PHACTR3: variants seen among roughly 807,000 people sequenced by gnomAD.
PHACTR3 encodes protein phosphatase 1, regulatory subunit 123.
PHACTR3 carries 16 observed loss-of-function variants against 66.8 expected under a neutral mutation model. The ratio of observed to expected loss-of-function variants is 0.24; its 90% confidence interval spans 0.16 to 0.36. The LOEUF (loss-of-function observed/expected upper bound fraction) is 0.36. Among genes scored for constraint, PHACTR3 ranks in the 10% least tolerant of loss-of-function variants. The pLI, the probability that PHACTR3 is intolerant of heterozygous loss-of-function variation, is 1.00. For synonymous variants in PHACTR3, 323 were observed against 292.1 expected (o/e 1.11, Z -1.08); for missense variants, 647 against 719.9 (o/e 0.90, Z 1.16).
At chr20:59,780,698 G>A (rs1273744927) in intron 7 of PHACTR3, among the ~76,000 whole-genome samples, 1 of 152,178 alleles carries the variant, frequency 6.6e-6, no homozygotes, top group Non-Finnish European at 1.5e-5. Flanking sequence ...CAGCTGGGTG[G>A]GCCTCCGTCT....
intron 8 of PHACTR3, among the ~76,000 whole-genome samples, chr20:59,816,581 GC>G (rs2041893283): frequency 6.6e-6 from 1 of 152,194 alleles, no homozygotes; most frequent in African/African-American, 2.4e-5. Flanking sequence ...CTCATCCATG[GC>G]CATCCTCTGG....
At chr20:59,759,862 G>A (rs191814943) in intron 4 of PHACTR3, among the ~76,000 whole-genome samples, 76 of 152,292 alleles carry the variant, frequency 5.0e-4, no homozygotes, top group Non-Finnish European at 7.2e-4. Flanking sequence ...AATGTGTCAC[G>A]TGAGTGCTGG....
chr20:59,841,147 T>C (rs543956389), intron 10 of PHACTR3, among the ~76,000 whole-genome samples: 1 of 152,282 alleles, frequency 6.6e-6, no homozygotes, highest in African/African-American at 2.4e-5. Flanking sequence ...CTTGAGCTGG[T>C]GCTATGTACT....
chr20:59,637,657 C>A (rs2034942020), intron 1 of PHACTR3, among the ~76,000 whole-genome samples: 2 of 150,970 alleles, frequency 1.3e-5, no homozygotes, highest in South Asian at 4.2e-4. Context: ...TGAAATGATC[C>A]TTAACCAACC....
At chr20:59,675,634 A>G (rs1361720640) in intron 1 of PHACTR3, among the ~76,000 whole-genome samples, 1 of 152,096 alleles carries the variant, frequency 6.6e-6, no homozygotes, top group African/African-American at 2.4e-5. Flanking sequence ...TTTTTCCCCC[A>G]GGGGACACTG....
At chr20:59,688,412 C>T (rs543733530) in intron 1 of PHACTR3, among the ~76,000 whole-genome samples, 2 of 152,320 alleles carry the variant, frequency 1.3e-5, no homozygotes, top group South Asian at 4.1e-4. Flanking sequence ...TCTCCTTCAT[C>T]CCAAACATCT....
intron 1 of PHACTR3, among the ~76,000 whole-genome samples, chr20:59,689,235 C>T (rs372084770): frequency 6.6e-6 from 1 of 152,222 alleles, no homozygotes; most frequent in Non-Finnish European, 1.5e-5. Context: ...CCTTTCAGCC[C>T]TTGGTGGGGC....
At position 59,840,053 on chromosome 20, in the gene PHACTR3, AAGAC is replaced by A. The variant is rs143111536; in HGVS notation, c.1385-310_1385-307del. ...GTAAATATAAAGATATTTGGGGAGA[AAGAC>A]AGACACAGAGGTGTCTACTTCCTTA... On this transcript the variant is annotated intron_variant, in intron 9 of 12. Coordinates refer to ENST00000371015, the MANE Select transcript of PHACTR3 (RefSeq NM_080672.5). Among the ~76,000 whole-genome samples, 677 of 152,316 alleles carry A rather than the reference AAGAC, an allele frequency of 4.4e-3. 3 individuals carry two copies. Among genetic ancestry groups the A allele is most frequent in the African/African-American group, 0.015 (610 of 41,568 alleles).
At chr20:59,757,216 TG>T in intron 4 of PHACTR3, among the ~76,000 whole-genome samples, 1 of 152,294 alleles carries the variant, frequency 6.6e-6, no homozygotes, top group Admixed American at 6.5e-5. Flanking sequence ...CAGCCCTTGA[TG>T]GGGGTCACGC....
At chr20:59,671,431 T>G (rs1331089249) in intron 1 of PHACTR3, among the ~76,000 whole-genome samples, 1 of 152,210 alleles carries the variant, frequency 6.6e-6, no homozygotes, top group African/African-American at 2.4e-5. Flanking sequence ...GGCTTAGCCC[T>G]CCTCTGCTTT....
At position 59,680,593 on chromosome 20, in the gene PHACTR3, G is replaced by A. The variant is rs6015547; in HGVS notation, c.119-62514G>A. The stretch of plus-strand genomic sequence containing the variant: ...TTGTCCAACCCAAGGCCTGTGGGAC[G>A]CATGCAGCCCAGGATGGCTTTGAAT... On this transcript the variant is annotated intron_variant, in intron 1 of 12. Coordinates refer to ENST00000371015, the MANE Select transcript of PHACTR3 (RefSeq NM_080672.5). Among the ~76,000 whole-genome samples the A allele has an allele frequency of 8.9e-3, 1,352 of 152,230 alleles. 20 individuals are homozygous for A. The highest frequency in any genetic ancestry group is 0.031 in the African/African-American group (1,288 of 41,542).
intron 3 of PHACTR3, among the ~76,000 whole-genome samples, chr20:59,753,016 T>C (rs2039656717): frequency 1.3e-5 from 2 of 152,202 alleles, no homozygotes; most frequent in Non-Finnish European, 2.9e-5. Context: ...TAATTTTGTC[T>C]ACTCGGTGAG....
intron 1 of PHACTR3, among the ~76,000 whole-genome samples, chr20:59,648,258 TCTC>T (rs1396151110): frequency 2.6e-5 from 4 of 152,136 alleles, no homozygotes; most frequent in African/African-American, 9.7e-5. Context: ...CACATTTCCT[TCTC>T]CTCTGTTCCC....
intron 8 of PHACTR3, among the ~76,000 whole-genome samples, chr20:59,822,375 AC>A (rs2042072387): frequency 6.7e-6 from 1 of 148,652 alleles, no homozygotes; most frequent in Non-Finnish European, 1.5e-5. Context: ...GGGGGGAAGA[AC>A]AAAGCAGATG....
At chr20:59,838,956 C>A (rs556683678) in intron 9 of PHACTR3, among the ~76,000 whole-genome samples, 1 of 151,988 alleles carries the variant, frequency 6.6e-6, no homozygotes, top group South Asian at 2.1e-4. Flanking sequence ...CACAAAGCAG[C>A]ACTCTGACAG....
At chr20:59,677,010 C>A (rs1201127247) in intron 1 of PHACTR3, among the ~76,000 whole-genome samples, 1 of 151,858 alleles carries the variant, frequency 6.6e-6, no homozygotes, top group Non-Finnish European at 1.5e-5. Context: ...CAGGATCAGC[C>A]CTGGGTTTCT....
intron 4 of PHACTR3, among the ~76,000 whole-genome samples, chr20:59,760,620 T>C (rs972799838): frequency 2.0e-5 from 3 of 152,210 alleles, no homozygotes; most frequent in African/African-American, 7.2e-5. Context: ...TCCCCAGCTA[T>C]ATGGAACTAT....
intron 12 of PHACTR3, among the ~76,000 whole-genome samples, 183 bp from the exon 13 acceptor site, chr20:59,846,932 A>G (rs562141778): frequency 7.9e-5 from 12 of 152,296 alleles, no homozygotes; most frequent in African/African-American, 2.4e-4. Context: ...CAGGGGCCTG[A>G]GAGTGGGGAG....
chr20:59,653,973 C>G (rs1321007969), intron 1 of PHACTR3, among the ~76,000 whole-genome samples: 2 of 152,104 alleles, frequency 1.3e-5, no homozygotes, highest in Non-Finnish European at 2.9e-5. Context: ...GCTTCCTGGT[C>G]TAGGATACTT....
Sources: allele counts gnomAD v4.1 joint callset (sites outside exome capture counted in the v4.1 genomes callset), GRCh38; gene constraint gnomAD v4.1.1; transcripts MANE v1.5; gene names NCBI Gene and HGNC (gene_info 2026-07-23, HGNC 2026-07-21).